The following KAT2B variants were observed in gnomAD, a reference collection of about 807,000 sequenced individuals.
The protein encoded by KAT2B is lysine acetyltransferase 2B.
KAT2B carries 36 observed loss-of-function variants against 105.9 expected under a neutral mutation model. The ratio of observed to expected loss-of-function variants is 0.34; its 90% CI spans 0.26 to 0.45. KAT2B has a LOEUF of 0.45. Among genes scored for constraint, KAT2B ranks in the 20% least tolerant of loss-of-function variants. The probability of loss-of-function intolerance (pLI) is 1.00; values close to 1 mark genes in which losing one functional copy is unlikely to be tolerated. For missense variants in KAT2B, 820 were observed against 1,021.6 expected (o/e 0.80, Z 2.69); for synonymous variants, 397 against 377.9 (o/e 1.05, Z -0.59).
intron 13 of KAT2B, among the ~76,000 whole-genome samples, chr3:20,145,908 G>A (rs1005927053): frequency 1.1e-4 from 16 of 152,280 alleles, no homozygotes; most frequent in African/African-American, 3.6e-4. Flanking sequence ...GAAGGGAACA[G>A]TTCCTAGTTA....
chr3:20,150,114 G>A (rs968020036), intron 17 of KAT2B, among the ~76,000 whole-genome samples: 2 of 152,224 alleles, frequency 1.3e-5, no homozygotes, highest in Non-Finnish European at 2.9e-5. Context: ...TGTATGCATA[G>A]CTGAGTCTCA....
chr3:20,059,787 A>C (rs976463138), intron 1 of KAT2B, among the ~76,000 whole-genome samples: 1 of 152,226 alleles, frequency 6.6e-6, no homozygotes, highest in Non-Finnish European at 1.5e-5. Context: ...TGTACAATTC[A>C]ATGATTTTTA....
intron 8 of KAT2B, among the ~76,000 whole-genome samples, chr3:20,120,539 C>G (rs1410954459): frequency 1.3e-5 from 2 of 152,112 alleles, no homozygotes; most frequent in Non-Finnish European, 2.9e-5. Flanking sequence ...ACTTCTGCCT[C>G]ATTCTGTCGT....
intron 2 of KAT2B, among the ~76,000 whole-genome samples, chr3:20,077,066 C>T (rs1234356063): frequency 2.0e-5 from 3 of 152,006 alleles, no homozygotes; most frequent in East Asian, 3.9e-4. Flanking sequence ...TTCTTTCATC[C>T]CAGACATCTT....
At chr3:20,131,085 G>A (rs1379422704) in intron 11 of KAT2B, among the ~76,000 whole-genome samples, 1 of 141,830 alleles carries the variant, frequency 7.1e-6, no homozygotes, top group Non-Finnish European at 1.5e-5. Flanking sequence ...GCGTGATCTC[G>A]GCTCACTGCA....
At chr3:20,072,485 GT>G in intron 2 of KAT2B, 26 bp downstream of exon 2, 1 of 1,608,898 alleles carries the variant, frequency 6.2e-7, no homozygotes, top group South Asian at 1.1e-5. Flanking sequence ...TTCAAGGAAA[GT>G]ATAACGAGTT....
At chr3:20,069,822 C>T (rs540929088) in intron 1 of KAT2B, among the ~76,000 whole-genome samples, 1 of 152,284 alleles carries the variant, frequency 6.6e-6, no homozygotes, top group East Asian at 1.9e-4. Context: ...AGCCACTGCG[C>T]CCGGCCAAGC....
At chr3:20,059,920 A>G (rs35776229) in intron 1 of KAT2B, among the ~76,000 whole-genome samples, 26,312 of 152,028 alleles carry the variant, frequency 0.17, 2,975 homozygotes, top group Non-Finnish European at 0.26. Context: ...CCAGATGACC[A>G]CTAATCTTTC....
chr3:20,145,035 G>T (rs1699761848), intron 13 of KAT2B, among the ~76,000 whole-genome samples: 1 of 151,998 alleles, frequency 6.6e-6, no homozygotes, highest in East Asian at 1.9e-4. Context: ...CACCTCAAGT[G>T]ATCCACCCAC....
chr3:20,142,954 TG>T (rs1699719876), intron 13 of KAT2B, among the ~76,000 whole-genome samples: 3 of 144,018 alleles, frequency 2.1e-5, no homozygotes, highest in Admixed American at 2.0e-4. Context: ...GGGTGGTGGG[TG>T]GGGGGATAAG....
chr3:20,115,535 A>T (rs1699190548), intron 7 of KAT2B, among the ~76,000 whole-genome samples: 1 of 152,214 alleles, frequency 6.6e-6, no homozygotes, highest in African/African-American at 2.4e-5. Context: ...GTAGTGCTCT[A>T]GGTCAATGTG....
In KAT2B at chr3:20,132,209, T is replaced by C. The variant is rs1400244150; in HGVS notation, c.1749+4660T>C. 3.9e-5 allele frequency among the ~76,000 whole-genome samples: 6 copies of C among 152,042 alleles called. No homozygotes were observed. The East Asian group carries it at 1.2e-3, about 29-fold the overall frequency. On this transcript the variant is annotated intron_variant, in intron 11 of 17. Transcript: ENST00000263754. ...GACCAACATGGTGAAACCCCATCTC[T>C]ACCAAAAATACAAAATTAGCTGGGT...
At position 20,142,660 on chromosome 3, in the gene KAT2B, G is replaced by A. The variant is rs765050894; in HGVS notation, c.2004+2296G>A. Among the ~76,000 whole-genome samples the A allele has an allele frequency of 7.2e-5, 11 of 152,292 alleles. 1 individual carries two copies. Among genetic ancestry groups the A allele is most frequent in the Middle Eastern group, 3.4e-3 (1 of 294 alleles). ...TTGTGAGTGTTGACTCCAAGGGAAA[G>A]GTAGGATCTGTAGGGGCCTCATGTC... On this transcript the variant is annotated intron_variant, in intron 13 of 17. Coordinates refer to ENST00000263754, the MANE Select transcript of KAT2B (RefSeq NM_003884.5).
chr3:20,089,929 C>A (rs1024860199), intron 2 of KAT2B, among the ~76,000 whole-genome samples: 1 of 151,130 alleles, frequency 6.6e-6, no homozygotes, highest in Non-Finnish European at 1.5e-5. Context: ...TTGCTTGAGC[C>A]CAGAATTTGA....
At chr3:20,092,293 A>T (rs1477622809) in intron 2 of KAT2B, among the ~76,000 whole-genome samples, 1 of 151,090 alleles carries the variant, frequency 6.6e-6, no homozygotes, top group Non-Finnish European at 1.5e-5. Flanking sequence ...CAGTGGCATG[A>T]TCTAGGCTCA....
chr3:20,090,035 A>G (rs1266557150), intron 2 of KAT2B, among the ~76,000 whole-genome samples: 1 of 151,880 alleles, frequency 6.6e-6, no homozygotes, highest in African/African-American at 2.4e-5. Context: ...AATGGTACTG[A>G]TCTTTGTGTG....
intron 8 of KAT2B, 125 bp from the exon 9 acceptor site, chr3:20,122,543 C>A: frequency 1.5e-6 from 1 of 648,444 alleles, no homozygotes; most frequent in Non-Finnish European, 2.6e-6. Context: ...GTCACCCCTT[C>A]CCCTGGTGGT....
intron 1 of KAT2B, among the ~76,000 whole-genome samples, chr3:20,053,798 T>A (rs891494109): frequency 5.3e-5 from 8 of 152,250 alleles, no homozygotes; most frequent in African/African-American, 1.9e-4. Flanking sequence ...TATTTATTTT[T>A]ATTTTATTTT....
intron 8 of KAT2B, among the ~76,000 whole-genome samples, 179 bp downstream of exon 8, chr3:20,119,902 A>T (rs992849997): frequency 2.6e-5 from 4 of 152,158 alleles, no homozygotes; most frequent in African/African-American, 7.2e-5. Flanking sequence ...CTATCTTAAA[A>T]CTGTAATAAC....
Sources: allele counts gnomAD v4.1 joint callset (sites outside exome capture counted in the v4.1 genomes callset), GRCh38; gene constraint gnomAD v4.1.1; transcripts MANE v1.5; gene names NCBI Gene and HGNC (gene_info 2026-07-23, HGNC 2026-07-21).